The following SOD2 variants were observed in gnomAD, a reference collection of about 807,000 sequenced individuals.
The protein encoded by SOD2 is superoxide dismutase [Mn], mitochondrial.
In SOD2, 11 loss-of-function variants were observed where a neutral mutation model predicts 27.0. The observed-to-expected ratio is 0.41, with a 90% CI of 0.26 to 0.67. The LOEUF is 0.67. SOD2 is among the 30% of genes least tolerant of loss of function. SOD2 has a pLI of 0.34. For missense variants in SOD2, 250 were observed against 274.5 expected, an observed-to-expected ratio of 0.91 and a Z score of 0.63; for synonymous variants, 105 against 103.0, an observed-to-expected ratio of 1.02 and a Z score of -0.12.
At chr6:159,759,048 A>G (rs1337161090) in intron 1 of SOD2, among the ~76,000 whole-genome samples, 3 of 151,396 alleles carry the variant, frequency 2.0e-5, no homozygotes, top group African/African-American at 7.3e-5. Flanking sequence ...ATCTAGATGT[A>G]ATTTTATTTT....
chr6:159,748,057 GAGA>G, upstream of SOD2: 1 of 1,167,744 alleles, frequency 8.6e-7, no homozygotes, highest in East Asian at 2.6e-5. This position sits in a 1 kb window ranked among gnomAD's most constrained non-coding sequence, Gnocchi z 5.6. Flanking sequence ...GATTTTTCTA[GAGA>G]ATTTCAGGAT....
chr6:159,742,339 A>C (rs1314920132), intron 1 of SOD2, among the ~76,000 whole-genome samples: 1 of 152,214 alleles, frequency 6.6e-6, no homozygotes, highest in East Asian at 1.9e-4. Context: ...TGGAGAAGAC[A>C]GAGGTGTAAT....
At chr6:159,739,370 A>T (rs909785898) in intron 1 of SOD2, among the ~76,000 whole-genome samples, 6 of 152,222 alleles carry the variant, frequency 3.9e-5, no homozygotes, top group African/African-American at 1.4e-4. Context: ...TAATTTACTA[A>T]TGAAGTGAGG....
At chr6:159,746,441 C>T (rs529102161), upstream of SOD2, among the ~76,000 whole-genome samples, 8 of 152,214 alleles carry the variant, frequency 5.3e-5, no homozygotes, top group Non-Finnish European at 1.0e-4. Context: ...TTAAGCTAAG[C>T]TTAGAAAAAA....
intron 1 of SOD2, among the ~76,000 whole-genome samples, chr6:159,711,631 C>T (rs749298720): frequency 8.6e-4 from 81 of 94,394 alleles, no homozygotes; most frequent in African/African-American, 9.7e-4. Flanking sequence ...GCTGCTCTGA[C>T]CACCATAACC....
rs1329083828 is a variant in SOD2, at chr6:159,671,164, G to C, written c.*11329C>G. ...CCTGCCTCTGTAGACTCCACCTCTG[G>C]GGGCATGGCATAGCCGAACAAAAGG... On this transcript the variant is annotated 3_prime_UTR_variant, in exon 5 of 5. Transcript: ENST00000538183. 2.6e-5 allele frequency: 4 copies of C among 152,282 alleles called. No individual in the cohort carries two copies. The highest frequency in any genetic ancestry group is 9.7e-5 in the African/African-American group (4 of 41,416). 9.4% of individuals were successfully genotyped at this position (152,282 alleles called of 1,614,324 possible). A position where few individuals can be genotyped will look rare whatever the true frequency, so the allele number is the denominator to read the frequency against.
chr6:159,699,304 A>C (rs1272349849), intron 1 of SOD2, among the ~76,000 whole-genome samples: 1 of 152,134 alleles, frequency 6.6e-6, no homozygotes. Flanking sequence ...TGCCCCTTAG[A>C]TGGCATTTGC....
At chr6:159,714,030 A>G (rs1777880047) in intron 1 of SOD2, 2 of 687,352 alleles carry the variant, frequency 2.9e-6, no homozygotes, top group Admixed American at 2.6e-5. Flanking sequence ...GCGGAATGCA[A>G]TTTTGGTGTA....
At chr6:159,714,847 T>C (rs1391763663) in intron 1 of SOD2, among the ~76,000 whole-genome samples, 1 of 152,112 alleles carries the variant, frequency 6.6e-6, no homozygotes, top group East Asian at 1.9e-4. Context: ...CTTGGACCTT[T>C]AGTTATACAT....
At chr6:159,750,693 C>T (rs1779786420) in intron 1 of SOD2, among the ~76,000 whole-genome samples, 1 of 152,096 alleles carries the variant, frequency 6.6e-6, no homozygotes, top group African/African-American at 2.4e-5. Flanking sequence ...ATTTTTAATG[C>T]TTACATAGTA....
At chr6:159,683,434 A>G (rs1425206940) in intron 4 of SOD2, among the ~76,000 whole-genome samples, 1 of 152,142 alleles carries the variant, frequency 6.6e-6, no homozygotes, top group Non-Finnish European at 1.5e-5. Context: ...GTAGTGAGCC[A>G]AGATTGCGCC....
chr6:159,694,068 G>C (rs150296478), upstream of SOD2, among the ~76,000 whole-genome samples: 35 of 152,322 alleles, frequency 2.3e-4, no homozygotes, highest in African/African-American at 7.7e-4. Context: ...AGTTAACTGA[G>C]TCAGGACTAG....
At chr6:159,683,893 C>T (rs1040289575) in intron 4 of SOD2, among the ~76,000 whole-genome samples, 2 of 152,182 alleles carry the variant, frequency 1.3e-5, no homozygotes, top group African/African-American at 4.8e-5. Flanking sequence ...AAGAGTATTC[C>T]AATGTCAGGG....
intron 1 of SOD2, among the ~76,000 whole-genome samples, chr6:159,701,823 G>A (rs1159644965): frequency 6.6e-6 from 1 of 152,126 alleles, no homozygotes; most frequent in African/African-American, 2.4e-5. Flanking sequence ...CCAGCAATTT[G>A]TATATTCTAT....
chr6:159,725,020 G>T (rs1778121129), intron 1 of SOD2, among the ~76,000 whole-genome samples: 1 of 152,096 alleles, frequency 6.6e-6, no homozygotes, highest in African/African-American at 2.4e-5. Flanking sequence ...ACAGTGGGAT[G>T]CAAAACACAC....
chr6:159,693,673 A>G (rs1193236227), upstream of SOD2, among the ~76,000 whole-genome samples: 1 of 152,146 alleles, frequency 6.6e-6, no homozygotes, highest in Non-Finnish European at 1.5e-5. Flanking sequence ...CGCGGGGTCC[A>G]GAGGCCTCAC....
intron 1 of SOD2, among the ~76,000 whole-genome samples, chr6:159,718,488 T>TA (rs944305686): frequency 6.6e-6 from 1 of 152,034 alleles, no homozygotes; most frequent in Non-Finnish European, 1.5e-5. Context: ...AATTATTTTT[T>TA]AAAAAAAACT....
Position 159,679,419 on chromosome 6 carries a change from C to T in SOD2, c.*3074G>A, listed in dbSNP as rs2114755058. 1 of 152,298 alleles carries T rather than the reference C, an allele frequency of 6.6e-6. No individual in the cohort carries two copies. The highest frequency in any genetic ancestry group is 2.1e-4 in the South Asian group (1 of 4,824). 9.4% of individuals were successfully genotyped at this position (152,298 alleles called of 1,614,324 possible). On this transcript the variant is annotated 3_prime_UTR_variant, in exon 5 of 5. Coordinates refer to ENST00000538183, the MANE Select transcript of SOD2 (RefSeq NM_000636.4). ...TGTTTATACGTGGTTTTAGATATGA[C>T]TCAATATACATAGATTTTAACTTTA...
chr6:159,684,760 T>C, intron 4 of SOD2, 94 bp downstream of exon 4: 6 of 992,692 alleles, frequency 6.0e-6, no homozygotes, highest in South Asian at 2.2e-5. Flanking sequence ...AATTATTACA[T>C]GTTCTTAAAA....
Sources: gnomAD v4.1 joint callset for allele counts (sites outside exome capture counted in the v4.1 genomes callset) on GRCh38, gnomAD v4.1.1 for gene constraint, Gnocchi (gnomAD v3.1) non-coding constraint, MANE v1.5 for transcripts, NCBI Gene and HGNC (gene_info 2026-07-23, HGNC 2026-07-21) for gene names.